MCM3AP: variants seen among roughly 807,000 people sequenced by gnomAD.
The protein encoded by MCM3AP is minichromosome maintenance complex component 3 associated protein.
In MCM3AP, 126 loss-of-function variants were observed where a neutral mutation model predicts 184.1. The observed-to-expected ratio is 0.68, with a 90% CI of 0.59 to 0.79. The LOEUF is 0.79. Among genes scored for constraint, MCM3AP ranks in the 30% least tolerant of loss-of-function variants. The pLI is 0.00. For synonymous variants in MCM3AP, 1,002 were observed against 979.3 expected, an observed-to-expected ratio of 1.02 and a Z score of -0.43; for missense variants, 2,496 against 2,479.2, an observed-to-expected ratio of 1.01 and a Z score of -0.14.
At chr21:46,267,217 A>T in intron 9 of MCM3AP, 75 bp from the exon 10 acceptor site, 1 of 1,426,884 alleles carries the variant, frequency 7.0e-7, no homozygotes, top group Non-Finnish European at 9.6e-7. Flanking sequence ...CCATGACCAC[A>T]GCCATGGCCA....
intron 6 of MCM3AP, among the ~76,000 whole-genome samples, chr21:46,274,202 A>G (rs1025764175): frequency 6.6e-6 from 1 of 152,280 alleles, no homozygotes; most frequent in African/African-American, 2.4e-5. Flanking sequence ...CCAGCCAGGA[A>G]GAGGAGAAGC....
At chr21:46,267,452 G>A in intron 9 of MCM3AP, 2 of 302,882 alleles carry the variant, frequency 6.6e-6, no homozygotes, top group Non-Finnish European at 6.2e-6. Flanking sequence ...CAGCTGTGCA[G>A]CATCCACATG....
At chr21:46,280,285 T>A (rs1392503403) in intron 3 of MCM3AP, 148 bp from the exon 4 acceptor site, 1 of 989,392 alleles carries the variant, frequency 1.0e-6, no homozygotes, top group Non-Finnish European at 1.5e-6. Context: ...GAGATGCAAA[T>A]CCACTGAGAG....
chr21:46,249,388 G>A (rs574390855), intron 20 of MCM3AP, among the ~76,000 whole-genome samples: 1 of 152,084 alleles, frequency 6.6e-6, no homozygotes, highest in Admixed American at 6.5e-5. Context: ...GGGTTTCACC[G>A]CGTTGCCCAG....
intron 15 of MCM3AP, among the ~76,000 whole-genome samples, chr21:46,259,939 G>T (rs1432195332): frequency 6.6e-6 from 1 of 151,008 alleles, no homozygotes; most frequent in African/African-American, 2.4e-5. Context: ...AGCTGGGCAT[G>T]GCGGTGCATG....
At position 46,249,903 on chromosome 21, in the gene MCM3AP, G is replaced by A. The variant is rs142826163; in HGVS notation, c.4290+1626C>T. 4.0e-3 allele frequency: 724 copies of A among 182,536 alleles called. 1 individual carries two copies. The highest frequency in any genetic ancestry group is 9.3e-3 in the Middle Eastern group (4 of 432). The allele number at this position is 182,536 out of a possible 1,614,324, so 11.3% of individuals were successfully genotyped here. A position where few individuals can be genotyped will look rare whatever the true frequency, so the allele number is the denominator to read the frequency against. On this transcript the variant is annotated intron_variant, in intron 20 of 27. Transcript: ENST00000291688. ...GTACCCATACACAGGTGGCAGAGACGCTAGGGAACTTGCCCAAGGTCACAG... is the reference window on the plus strand; with the variant it reads ...GTACCCATACACAGGTGGCAGAGACACTAGGGAACTTGCCCAAGGTCACAG...
At chr21:46,280,459 A>AT in intron 3 of MCM3AP, 38 bp downstream of exon 3, 2 of 1,430,016 alleles carry the variant, frequency 1.4e-6, no homozygotes, top group Non-Finnish European at 9.7e-7. Context: ...AATAAAAATA[A>AT]TTTTTTTAAA....
intron 27 of MCM3AP, 53 bp from the exon 28 acceptor site, chr21:46,235,479 C>A: frequency 6.7e-7 from 1 of 1,494,452 alleles, no homozygotes; most frequent in Non-Finnish European, 9.3e-7. Flanking sequence ...TAAACCACGA[C>A]CTATCTCTGG....
chr21:46,266,245 T>A (rs2081110892), intron 10 of MCM3AP, 79 bp from the exon 11 acceptor site: 2 of 1,455,790 alleles, frequency 1.4e-6, no homozygotes, highest in African/African-American at 2.8e-5. Flanking sequence ...TGCCGAGTAC[T>A]GCAAGCCCCT....
At chr21:46,247,110 G>C (rs1483436325) in intron 20 of MCM3AP, 11 of 503,472 alleles carry the variant, frequency 2.2e-5, no homozygotes, top group Admixed American at 2.1e-4. Context: ...TGTTAGCAAA[G>C]ACTCCCCTCA....
intron 21 of MCM3AP, 52 bp from the exon 22 acceptor site, chr21:46,246,456 T>C (rs1203531457): frequency 2.2e-6 from 3 of 1,360,640 alleles, no homozygotes; most frequent in Non-Finnish European, 2.1e-6. Flanking sequence ...TCAGCACACC[T>C]GCTAACATAT....
chr21:46,256,579 T>C (rs1232776909), intron 17 of MCM3AP: 1 of 603,218 alleles, frequency 1.7e-6, no homozygotes, highest in Non-Finnish European at 2.9e-6. Flanking sequence ...AGAGCTCTGC[T>C]TTGCCAGTGG....
Position 46,271,227 on chromosome 21 carries a change from TCA to T in MCM3AP, c.2466-666_2466-665del, listed in dbSNP as rs1419577093. On this transcript the variant is annotated intron_variant, in intron 8 of 27. Transcript: ENST00000291688. ...CCCAGGCTGGAGTGCACTGGCACAA[TCA>T]CAGTTCATTGCAGCTTCAACCTCCT... 4.0e-5 allele frequency among the ~76,000 whole-genome samples: 6 copies of T among 151,466 alleles called. No individual in the cohort carries two copies. The East Asian group carries it at 1.2e-3, about 30-fold the overall frequency.
At position 46,261,306 on chromosome 21, in the gene MCM3AP, C is replaced by G; in HGVS notation, c.3441G>C (p.Gln1147His). 6.2e-7 allele frequency: 1 copy of G among 1,614,188 alleles called. No individual in the cohort carries two copies. The highest frequency in any genetic ancestry group is 8.5e-7 in the Non-Finnish European group (1 of 1,180,042). ...EVSKERERREQERQRAEEERL... is the reference protein window; with the variant it reads ...EVSKERERREHERQRAEEERL... The stretch of plus-strand genomic sequence containing the variant: ...TTTCCTCTTCAGCCCGCTGCCTCTC[C>G]TGCTCCCTTCGCTCTCTTTCCTTAG... Residue 1147 changes from glutamine (Q) to histidine (H), a missense_variant, in exon 14 of 28, where the codon CAG (glutamine) becomes CAC (histidine). Transcript: ENST00000291688.
intron 2 of MCM3AP, among the ~76,000 whole-genome samples, chr21:46,282,153 C>G (rs2081341773): frequency 6.6e-6 from 1 of 152,046 alleles, no homozygotes; most frequent in Non-Finnish European, 1.5e-5. Context: ...TGTAAAAATA[C>G]AAACTTTTTT....
At chr21:46,244,138 A>C (rs1178402073) in intron 23 of MCM3AP, among the ~76,000 whole-genome samples, 1 of 152,256 alleles carries the variant, frequency 6.6e-6, no homozygotes, top group African/African-American at 2.4e-5. Context: ...GACCTACTAC[A>C]GACCACACAC....
intron 5 of MCM3AP, among the ~76,000 whole-genome samples, chr21:46,276,380 A>C (rs1474213185): frequency 2.6e-5 from 4 of 152,204 alleles, no homozygotes; most frequent in African/African-American, 9.6e-5. Context: ...TATTATATTA[A>C]GGAAACATGG....
At chr21:46,264,041 TGA>T in intron 13 of MCM3AP, 74 bp downstream of exon 13, 1 of 988,570 alleles carries the variant, frequency 1.0e-6, no homozygotes, top group Non-Finnish European at 1.6e-6. Flanking sequence ...GGCAACTTTA[TGA>T]GAGGAAACTT....
chr21:46,256,814 C>G lies in MCM3AP; in HGVS notation c.3907G>C (p.Gly1303Arg). The G allele has an allele frequency of 6.4e-7, 1 of 1,558,614 alleles. No individual in the cohort carries two copies. The highest frequency in any genetic ancestry group is 8.7e-7 in the Non-Finnish European group (1 of 1,151,166). Reference sequence around the variant, plus strand: ...CTGGTGCAGGAGATGCCCAATCTCCCTGCATGGCCCAGGTCCAGGAGGCCC... The same window carrying G: ...CTGGTGCAGGAGATGCCCAATCTCCGTGCATGGCCCAGGTCCAGGAGGCCC... Reference protein sequence around the residue: ...ARGLLDLGHAGRLGISCTRLR... With the variant: ...ARGLLDLGHARRLGISCTRLR... The change falls in exon 17 of 28, where the codon GGG becomes CGG. Residue 1303 changes from glycine (G) to arginine (R), a missense_variant. Transcript: ENST00000291688.
Sources: allele counts gnomAD v4.1 joint callset (sites outside exome capture counted in the v4.1 genomes callset), GRCh38; gene constraint gnomAD v4.1.1; transcripts MANE v1.5; gene names NCBI Gene and HGNC (gene_info 2026-07-23, HGNC 2026-07-21).